The following DZIP3 variants were observed in gnomAD, a reference collection of about 807,000 sequenced individuals.
DZIP3 encodes DAZ interacting zinc finger protein 3.
A neutral mutation model predicts 162.0 loss-of-function variants in DZIP3; 118 were observed. That is an observed-to-expected ratio of 0.73 (90% CI 0.63 to 0.85). DZIP3 has a LOEUF of 0.85. Among genes scored for constraint, DZIP3 ranks in the 40% least tolerant of loss-of-function variants. The probability of loss-of-function intolerance (pLI) is 0.00; values close to 1 mark genes in which losing one functional copy is unlikely to be tolerated. For synonymous variants in DZIP3, 438 were observed against 458.6 expected, an observed-to-expected ratio of 0.96 and a Z score of 0.57; for missense variants, 1,331 against 1,407.0, an observed-to-expected ratio of 0.95 and a Z score of 0.86.
rs150853369 is a variant in DZIP3 at position 108,693,450 on chromosome 3, G to C, written c.*97G>C. On this transcript the variant is annotated 3_prime_UTR_variant, in exon 33 of 33. Transcript: ENST00000361582. ...TTGTAATGTCTTATGAGTGACAATC[G>C]TTAGTTTGAGGAATTTTGTGAGACA... The C allele has an allele frequency of 6.6e-6, 1 of 152,094 alleles. No homozygotes were observed. The highest frequency in any genetic ancestry group is 1.5e-5 in the Non-Finnish European group (1 of 68,030). 9.4% of individuals were successfully genotyped at this position (152,094 alleles called of 1,614,324 possible).
intron 23 of DZIP3, among the ~76,000 whole-genome samples, chr3:108,673,430 T>C (rs887883392): frequency 6.6e-6 from 1 of 151,900 alleles, no homozygotes; most frequent in African/African-American, 2.4e-5. Context: ...TTGTTTTTAA[T>C]CAGTAAATTT....
At chr3:108,671,223 T>G (rs1015638178) in intron 22 of DZIP3, among the ~76,000 whole-genome samples, 2 of 151,908 alleles carry the variant, frequency 1.3e-5, no homozygotes, top group East Asian at 3.9e-4. Context: ...TTGAAGATTT[T>G]ATTTTTTTCT....
chr3:108,641,882 G>A (rs1321064319), intron 12 of DZIP3, among the ~76,000 whole-genome samples: 5 of 152,090 alleles, frequency 3.3e-5, no homozygotes, highest in Non-Finnish European at 7.4e-5. Flanking sequence ...TCATTTCAAA[G>A]CCAAGCCATC....
Position 108,644,817 on chromosome 3 carries a change from C to A in DZIP3, c.1759+36C>A, listed in dbSNP as rs180838730. 12 of 1,562,580 alleles carry A rather than the reference C, an allele frequency of 7.7e-6. No individual in the cohort carries two copies. In the South Asian group the frequency reaches 7.9e-5, roughly 10 times the overall value. On this transcript the variant is annotated intron_variant, in intron 14 of 32. Coordinates refer to ENST00000361582, the MANE Select transcript of DZIP3 (RefSeq NM_014648.4). ...ATTATTTACTTCAGCCAATAAACTT[C>A]CATTGATTGAATGTCTGCTCTGTGC...
chr3:108,605,895 A>G lies in DZIP3; in HGVS notation c.32+457A>G, dbSNP rs183927652. Among the ~76,000 whole-genome samples the G allele has an allele frequency of 4.3e-3, 656 of 152,320 alleles. 2 individuals carry two copies. The highest frequency in any genetic ancestry group is 0.027 in the Middle Eastern group (8 of 292). On this transcript the variant is annotated intron_variant, in intron 2 of 32. Transcript: ENST00000361582. Reference sequence around the variant, plus strand: ...AAGCCAGTATGAACAGGAAACCCTTATGCTTCAAGACATTTCAGCAAGTTT... The same window carrying G: ...AAGCCAGTATGAACAGGAAACCCTTGTGCTTCAAGACATTTCAGCAAGTTT...
chr3:108,610,787 T>G (rs1210585493), intron 3 of DZIP3, among the ~76,000 whole-genome samples: 4 of 152,212 alleles, frequency 2.6e-5, no homozygotes, highest in South Asian at 4.1e-4. Flanking sequence ...AATAAATTCC[T>G]GAAGATTATT....
At position 108,688,653 on chromosome 3, in the gene DZIP3, C is replaced by T. The variant is rs1944580661; in HGVS notation, c.3331C>T (p.Pro1111Ser). ...CVSPSHSPSQ[P>S]DAAQPPKPAW... ...TTCACCTAGTCATTCTCCATCACAG[C>T]CTGATGCTGCCCAGCCCCCAAAACC... Residue 1111 changes from proline (P) to serine (S), a missense_variant, in exon 30 of 33, where the codon CCT becomes TCT. Coordinates refer to ENST00000361582, the MANE Select transcript of DZIP3 (RefSeq NM_014648.4). 1 of 1,614,154 alleles carries T rather than the reference C, an allele frequency of 6.2e-7. No individual in the cohort carries two copies. The highest frequency in any genetic ancestry group is 8.5e-7 in the Non-Finnish European group (1 of 1,180,022).
intron 3 of DZIP3, among the ~76,000 whole-genome samples, chr3:108,610,716 C>T (rs1163480856): frequency 6.6e-6 from 1 of 152,152 alleles, no homozygotes; most frequent in Non-Finnish European, 1.5e-5. Context: ...GTAGATATTC[C>T]AGCAGGACTT....
At chr3:108,671,255 A>T (rs1943917169) in intron 22 of DZIP3, among the ~76,000 whole-genome samples, 1 of 151,870 alleles carries the variant, frequency 6.6e-6, no homozygotes, top group African/African-American at 2.4e-5. Flanking sequence ...TCTAGCCTTA[A>T]TGATATTTAT....
chr3:108,596,218 G>A (rs1317768691), intron 1 of DZIP3, among the ~76,000 whole-genome samples: 1 of 152,154 alleles, frequency 6.6e-6, no homozygotes, highest in Non-Finnish European at 1.5e-5. Context: ...CAGTTTGTCT[G>A]CTCCAGGCCT....
At chr3:108,610,119 G>A (rs1940617498) in intron 3 of DZIP3, among the ~76,000 whole-genome samples, 1 of 152,094 alleles carries the variant, frequency 6.6e-6, no homozygotes, top group African/African-American at 2.4e-5. Context: ...ATCCTTCATA[G>A]AGAGTTAGTA....
chr3:108,671,077 T>G (rs1177671681), intron 22 of DZIP3, among the ~76,000 whole-genome samples: 1 of 151,902 alleles, frequency 6.6e-6, no homozygotes, highest in African/African-American at 2.4e-5. Flanking sequence ...TTGGGTTGCC[T>G]TTTCATTTTC....
Position 108,641,925 on chromosome 3 carries a change from C to G in DZIP3, c.1065-513C>G, listed in dbSNP as rs140693853. On this transcript the variant is annotated intron_variant, in intron 12 of 32. Coordinates refer to ENST00000361582, the MANE Select transcript of DZIP3 (RefSeq NM_014648.4). Reference sequence around the variant, plus strand: ...CGGCAGCATTTACCTAGTGCTTAGTCTAGTTAATACATTTTGCTACTTTAT... The same window carrying G: ...CGGCAGCATTTACCTAGTGCTTAGTGTAGTTAATACATTTTGCTACTTTAT... Among the ~76,000 whole-genome samples, 474 of 152,196 alleles carry G rather than the reference C, an allele frequency of 3.1e-3. 2 individuals are homozygous for G. The highest frequency in any genetic ancestry group is 0.011 in the African/African-American group (454 of 41,518).
At chr3:108,652,421 T>G (rs1469419077) in intron 18 of DZIP3, among the ~76,000 whole-genome samples, 1 of 151,836 alleles carries the variant, frequency 6.6e-6, no homozygotes, top group Non-Finnish European at 1.5e-5. Flanking sequence ...TCCTATATTA[T>G]CTCAATGCTG....
At chr3:108,630,666 C>T (rs1452375177) in intron 8 of DZIP3, among the ~76,000 whole-genome samples, 4 of 151,630 alleles carry the variant, frequency 2.6e-5, no homozygotes, top group African/African-American at 9.7e-5. Flanking sequence ...CAAAGCAGTC[C>T]CTTACTTGAT....
intron 8 of DZIP3, among the ~76,000 whole-genome samples, chr3:108,629,806 AATATAT>A (rs891922503): frequency 6.6e-6 from 1 of 150,536 alleles, no homozygotes; most frequent in Admixed American, 6.6e-5. Flanking sequence ...GATTTGGCAT[AATATAT>A]ATATATAAAT....
intron 12 of DZIP3, among the ~76,000 whole-genome samples, chr3:108,640,709 G>C (rs1023538007): frequency 1.3e-5 from 2 of 152,058 alleles, no homozygotes; most frequent in African/African-American, 4.8e-5. Context: ...CTCCCAAAGT[G>C]CTGGGATTAC....
At chr3:108,655,639 G>C (rs1037150221) in intron 19 of DZIP3, among the ~76,000 whole-genome samples, 1 of 152,074 alleles carries the variant, frequency 6.6e-6, no homozygotes, top group African/African-American at 2.4e-5. Flanking sequence ...GGGGATTGTT[G>C]GACAGTGGGT....
At chr3:108,628,996 C>A in intron 7 of DZIP3, 66 bp from the exon 8 acceptor site, 1 of 962,492 alleles carries the variant, frequency 1.0e-6, no homozygotes, top group Non-Finnish European at 1.5e-6. Context: ...TATTTGTTGT[C>A]TCATTGGTAA....
Sources: allele counts gnomAD v4.1 joint callset (sites outside exome capture counted in the v4.1 genomes callset), GRCh38; gene constraint gnomAD v4.1.1; transcripts MANE v1.5; gene names NCBI Gene and HGNC (gene_info 2026-07-23, HGNC 2026-07-21).